PLD2: variants seen among roughly 807,000 people sequenced by gnomAD.
PLD2 encodes choline phosphatase 2.
Under a neutral mutation model 119.8 loss-of-function variants are expected in PLD2, and 101 were observed. The ratio of observed to expected loss-of-function variants is 0.84; its 90% CI spans 0.72 to 0.99. The LOEUF is 0.99. PLD2 is among the 50% of genes least tolerant of loss of function. PLD2 has a pLI of 0.00. For synonymous variants in PLD2, 494 were observed against 482.8 expected (o/e 1.02, Z -0.30); for missense variants, 1,164 against 1,226.8 (o/e 0.95, Z 0.76).
At position 4,814,645 on chromosome 17, in the gene PLD2, G is replaced by A. The variant is rs925440889; in HGVS notation, c.1107G>A (p.Glu369=). 6.8e-6 allele frequency: 11 copies of A among 1,614,020 alleles called. No individual in the cohort carries two copies. Among genetic ancestry groups the A allele is most frequent in the Non-Finnish European group, 9.3e-6 (11 of 1,180,044 alleles). Residue 369 remains glutamate (E), a synonymous_variant, in exon 12 of 25, where the codon GAG becomes GAA. Transcript: ENST00000263088. ...IFITDWWLSP[E]VYLKRPAHSD... is the part of the protein sequence containing the mutation. ...CCCTGAATCCCAGGTTGAGTCCTGA[G>A]GTTTACCTGAAGCGTCCGGCCCATT...
intron 24 of PLD2, 75 bp from the exon 25 acceptor site, chr17:4,822,565 G>A (rs1366266275): frequency 2.0e-6 from 2 of 977,404 alleles, no homozygotes; most frequent in Non-Finnish European, 3.1e-6. Context: ...TGGGGGAAGG[G>A]GTCTAGCCTA....
intron 21 of PLD2, 117 bp from the exon 22 acceptor site, chr17:4,818,967 G>A: frequency 6.6e-7 from 1 of 1,516,416 alleles, no homozygotes; most frequent in Non-Finnish European, 9.0e-7. Flanking sequence ...TTTCACTGCA[G>A]GGAGAAGGAG....
chr17:4,807,645 C>G lies in PLD2; in HGVS notation c.-1-127C>G. The G allele has an allele frequency of 1.6e-6, 1 of 616,212 alleles. No homozygotes were observed. Among genetic ancestry groups the G allele is most frequent in the South Asian group, 1.8e-5 (1 of 54,358 alleles). 38.2% of individuals were successfully genotyped at this position (616,212 alleles called of 1,614,324 possible). A position where few individuals can be genotyped will look rare whatever the true frequency, so the allele number is the denominator to read the frequency against. On this transcript the variant is annotated intron_variant, in intron 1 of 24. Coordinates refer to ENST00000263088, the MANE Select transcript of PLD2 (RefSeq NM_002663.5). The surrounding 1 kb of genome is among the most constrained non-coding windows in gnomAD (Gnocchi z 5.4). Reference sequence around the variant, plus strand: ...GCGTTGCAAACTGGTCAGGCGTCATCCGCGGGCGGTCAGGAGGCCGTGGGG... The same window carrying G: ...GCGTTGCAAACTGGTCAGGCGTCATGCGCGGGCGGTCAGGAGGCCGTGGGG...
chr17:4,819,468 G>A lies in PLD2; in HGVS notation c.2348G>A (p.Arg783Gln), dbSNP rs767163752. 21 of 1,613,866 alleles carry A rather than the reference G, an allele frequency of 1.3e-5. No homozygotes were observed. Among genetic ancestry groups the A allele is most frequent in the South Asian group, 4.4e-5 (4 of 91,066 alleles). The change falls in exon 23 of 25, where the codon CGG becomes CAG. Residue 783 changes from arginine to glutamine, a missense_variant. Coordinates refer to ENST00000263088, the MANE Select transcript of PLD2 (RefSeq NM_002663.5). This position sits in a 1 kb window ranked among gnomAD's most constrained non-coding sequence, Gnocchi z 4.2. ...NINDRSLLGK[R>Q]DSELAVLIED... is the part of the protein sequence containing the mutation. ...AATGACCGGAGCTTGCTGGGGAAGC[G>A]GGACAGTGAGCTGGCCGTGCTGATC...
intron 24 of PLD2, 78 bp downstream of exon 24, chr17:4,821,985 A>AGCGC (rs1907723690): frequency 2.3e-6 from 2 of 884,522 alleles, no homozygotes; most frequent in Non-Finnish European, 1.9e-6. Context: ...GATGGAGAGA[A>AGCGC]GCGCCACCAT....
At chr17:4,817,432 G>T (rs1419458539) in intron 17 of PLD2, 173 bp downstream of exon 17, 6 of 614,122 alleles carry the variant, frequency 9.8e-6, no homozygotes, top group Non-Finnish European at 1.5e-5. Flanking sequence ...GAAGGCCAAG[G>T]CAGGCGGATC....
chr17:4,811,520 C>T (rs1906478916), intron 10 of PLD2, among the ~76,000 whole-genome samples: 1 of 152,058 alleles, frequency 6.6e-6, no homozygotes, highest in Non-Finnish European at 1.5e-5. Context: ...TCGGGTGATC[C>T]GCCCGCCTCG....
rs976392445 is a variant in PLD2 at position 4,808,518 on chromosome 17, G to A, written c.383+102G>A. ...ACAACCTTTCCTCCCTGCAACTCTGGCCACTGTGCTGCCTCCCCTGACCCC... is the reference window on the plus strand; with the variant it reads ...ACAACCTTTCCTCCCTGCAACTCTGACCACTGTGCTGCCTCCCCTGACCCC... On this transcript the variant is annotated intron_variant, in intron 4 of 24. Coordinates refer to ENST00000263088, the MANE Select transcript of PLD2 (RefSeq NM_002663.5). This position sits in a 1 kb window ranked among gnomAD's most constrained non-coding sequence, Gnocchi z 4.1. The A allele has an allele frequency of 2.6e-6, 3 of 1,165,094 alleles. No individual in the cohort carries two copies. In the African/African-American group the frequency reaches 4.6e-5, roughly 18 times the overall value. 72.2% of individuals were successfully genotyped at this position (1,165,094 alleles called of 1,614,324 possible).
chr17:4,816,903 T>C, intron 15 of PLD2, 34 bp from the exon 16 acceptor site: 1 of 1,592,942 alleles, frequency 6.3e-7, no homozygotes, highest in Middle Eastern at 1.7e-4. Context: ...AGTCCAGCCC[T>C]GACATCTCCC....
chr17:4,819,182 A>G lies in PLD2; in HGVS notation c.2272A>G (p.Lys758Glu), dbSNP rs767753197. The G allele has an allele frequency of 8.7e-6, 14 of 1,613,996 alleles. No homozygotes were observed. The East Asian group carries it at 2.7e-4, about 31-fold the overall frequency. Residue 758 changes from lysine (K) to glutamate (E), a missense_variant, in exon 22 of 25, where the codon AAG (lysine) becomes GAG (glutamate). Coordinates refer to ENST00000263088, the MANE Select transcript of PLD2 (RefSeq NM_002663.5). The surrounding 1 kb of genome is among the most constrained non-coding windows in gnomAD (Gnocchi z 4.2). Reference sequence around the variant, plus strand: ...CTCGGAGCTCATCTACATCCACAGCAAGGTGCTCATCGCAGATGACCGGAC... The same window carrying G: ...CTCGGAGCTCATCTACATCCACAGCGAGGTGCTCATCGCAGATGACCGGAC... ...PVSELIYIHS[K>E]VLIADDRTVI... is the part of the protein sequence containing the mutation.
Position 4,808,466 on chromosome 17 carries a change from CCTTT to C in PLD2, c.383+53_383+56del. 6.3e-7 allele frequency: 1 copy of C among 1,583,822 alleles called. No individual in the cohort carries two copies. The highest frequency in any genetic ancestry group is 2.2e-5 in the East Asian group (1 of 44,622). ...GTAGAGGGCAGGTGCTCCCCACCCT[CCTTT>C]CTGTCTGTCTCACCCCGGGGCCACA... On this transcript the variant is annotated intron_variant, in intron 4 of 24. Transcript: ENST00000263088. This position sits in a 1 kb window ranked among gnomAD's most constrained non-coding sequence, Gnocchi z 4.1.
In PLD2 at chr17:4,809,206, G is replaced by A. The variant is rs1317523253; in HGVS notation, c.489+1G>A. ...CACCAGACATGCAGCCAGCAAACAG[G>A]TGGGACCAGATGCCAGGTCCTCCGG... is the stretch of plus-strand genomic sequence containing the variant. On this transcript the variant is annotated splice_donor_variant, in intron 5 of 24. Coordinates refer to ENST00000263088, the MANE Select transcript of PLD2 (RefSeq NM_002663.5). LOFTEE classifies it high-confidence loss of function. 6.2e-7 allele frequency: 1 copy of A among 1,614,066 alleles called. No individual in the cohort carries two copies. The highest frequency in any genetic ancestry group is 8.5e-7 in the Non-Finnish European group (1 of 1,179,904).
chr17:4,816,487 TG>T, intron 14 of PLD2, 132 bp from the exon 15 acceptor site: 2 of 927,274 alleles, frequency 2.2e-6, no homozygotes, highest in Non-Finnish European at 3.4e-6. Flanking sequence ...AGGGGAGGGC[TG>T]GGGAATCAGA....
At position 4,822,764 on chromosome 17, in the gene PLD2, G is replaced by A. The variant is rs2302323; in HGVS notation, c.2702G>A (p.Gly901Asp). The part of the protein sequence containing the change: ...LARSELTQVQ[G>D]HLVHFPLKFL... ...CGGTCTGAGCTCACCCAGGTCCAGG[G>A]CCACCTGGTCCACTTCCCCCTCAAG... Residue 901 changes from glycine (G) to aspartate (D), a missense_variant, in exon 25 of 25, where the codon GGC becomes GAC. Coordinates refer to ENST00000263088, the MANE Select transcript of PLD2 (RefSeq NM_002663.5). 67 of 1,613,146 alleles carry A rather than the reference G, an allele frequency of 4.2e-5. 1 individual carries two copies. The East Asian group carries it at 1.5e-3, about 36-fold the overall frequency.
rs764736363 is a variant in PLD2, at chr17:4,809,307, G to T, written c.499G>T (p.Glu167Ter). 6.2e-7 allele frequency: 1 copy of T among 1,614,088 alleles called. No individual in the cohort carries two copies. The highest frequency in any genetic ancestry group is 1.7e-5 in the Admixed American group (1 of 60,014). The change falls in exon 6 of 25, where the codon GAG (glutamate) becomes TAG (stop). Residue 167 changes from glutamate (E) to a stop codon, truncating the protein, a stop_gained. Transcript: ENST00000263088. LOFTEE classifies it high-confidence loss of function. ...RHAASKQKYL[E>*]NYLNRLLTMS... ...CTCATCTCCACTTCAGAAATACCTG[G>T]AGAATTACCTCAACCGTCTCTTGAC...
At chr17:4,810,416 G>T (rs149899892) in intron 9 of PLD2, among the ~76,000 whole-genome samples, 1 of 151,976 alleles carries the variant, frequency 6.6e-6, no homozygotes, top group Non-Finnish European at 1.5e-5. Flanking sequence ...AGGCCGAGGC[G>T]GGTGGATCAC....
rs752583572 is a variant in PLD2, at chr17:4,816,623, C to T, written c.1459C>T (p.Pro487Ser). ...DSSESAASQP[P>S]TPRPDSPATP... ...CTTGGGTGTGTTCCCCCTACAGCCT[C>T]CCACCCCGCGCCCAGACTCACCAGC... The change falls in exon 15 of 25, where the codon CCC becomes TCC. Residue 487 changes from proline to serine, a missense_variant. Coordinates refer to ENST00000263088, the MANE Select transcript of PLD2 (RefSeq NM_002663.5). The T allele has an allele frequency of 1.2e-6, 2 of 1,613,810 alleles. No homozygotes were observed. The highest frequency in any genetic ancestry group is 2.7e-5 in the African/African-American group (2 of 74,888).
At chr17:4,814,369 C>T (rs1906758821) in intron 10 of PLD2, 49 bp from the exon 11 acceptor site, 1 of 1,570,498 alleles carries the variant, frequency 6.4e-7, no homozygotes, top group Non-Finnish European at 8.6e-7. Flanking sequence ...CTCTCCAGAG[C>T]TTTCTGGCTT....
Position 4,821,865 on chromosome 17 carries a change from G to T in PLD2, c.2535G>T (p.Leu845Phe). 1 of 1,614,072 alleles carries T rather than the reference G, an allele frequency of 6.2e-7. No individual in the cohort carries two copies. Residue 845 changes from leucine (L) to phenylalanine (F), a missense_variant, in exon 24 of 25, where the codon TTG (leucine) becomes TTT (phenylalanine). Physicochemically the swap from Leu to Phe is conservative, Grantham distance 22 (BLOSUM62 0). Coordinates refer to ENST00000263088, the MANE Select transcript of PLD2 (RefSeq NM_002663.5). Reference protein sequence around the residue: ...RDPICDDFFQLWQDMAESNAN... With the variant: ...RDPICDDFFQFWQDMAESNAN... ...CCATCTGTGATGACTTCTTCCAGTTGTGGCAAGACATGGCTGAGAGCAACG... is the reference window on the plus strand; with the variant it reads ...CCATCTGTGATGACTTCTTCCAGTTTTGGCAAGACATGGCTGAGAGCAACG...
Sources: gnomAD v4.1 joint callset for allele counts (sites outside exome capture counted in the v4.1 genomes callset) on GRCh38, gnomAD v4.1.1 for gene constraint, Gnocchi (gnomAD v3.1) non-coding constraint, MANE v1.5 for transcripts, NCBI Gene and HGNC (gene_info 2026-07-23, HGNC 2026-07-21) for gene names.